BRWD3: variants seen among roughly 807,000 people sequenced by gnomAD.
BRWD3 encodes bromodomain and WD repeat domain containing 3.
Under a neutral mutation model 149.7 loss-of-function variants are expected in BRWD3, and 10 were observed. The observed-to-expected ratio is 0.07, with a 90% CI of 0.04 to 0.11. BRWD3 has a LOEUF of 0.11. Among genes scored for constraint, BRWD3 ranks in the 10% least tolerant of loss-of-function variants. The pLI is 1.00. For missense variants in BRWD3, 940 were observed against 1,373.2 expected, an observed-to-expected ratio of 0.68 and a Z score of 4.99; for synonymous variants, 504 against 456.7, an observed-to-expected ratio of 1.10 and a Z score of -1.32.
chrX:80,808,437 C>G (rs1313035336), intron 4 of BRWD3, 102 bp downstream of exon 4: 11 of 672,747 alleles, frequency 1.6e-5, no homozygotes, highest in South Asian at 2.3e-5. Flanking sequence ...GCACCGAGCT[C>G]TAGAACCTCG....
chrX:80,704,058 G>C (rs1033515248), intron 23 of BRWD3, among the ~76,000 whole-genome samples: 1 of 111,370 alleles, frequency 9.0e-6, no homozygotes, highest in Non-Finnish European at 1.9e-5. Flanking sequence ...AACTGTCATT[G>C]GGATGAAATA....
Position 80,735,187 on chromosome X carries a change from C to A in BRWD3, c.925G>T (p.Val309Leu), listed in dbSNP as rs776699937. 1 of 1,205,897 alleles carries A rather than the reference C, an allele frequency of 8.3e-7. No homozygotes were observed. The highest frequency in any genetic ancestry group is 1.8e-5 in the South Asian group (1 of 56,797). The change falls in exon 10 of 41, where the codon GTG becomes TTG. Residue 309 changes from valine to leucine, a missense_variant. This residue lies in a region of BRWD3 where 209 missense variants were observed against 396.8 expected (regional missense o/e 0.53). Transcript: ENST00000373275. ...VKTMKFRDRP[V>L]KFTERSRPGV... is the part of the protein sequence containing the mutation. ...GGTCTGGATCTCTCAGTAAATTTCACCGGGCGATCTCTAAAGATAAAAATA... is the reference window on the plus strand; with the variant it reads ...GGTCTGGATCTCTCAGTAAATTTCAACGGGCGATCTCTAAAGATAAAAATA...
rs778623743 is a variant in BRWD3 at position 80,676,623 on chromosome X, C to G, written c.5395G>C (p.Gly1799Arg). 8.3e-7 allele frequency: 1 copy of G among 1,210,130 alleles called. No individual in the cohort carries two copies. The highest frequency in any genetic ancestry group is 1.1e-6 in the Non-Finnish European group (1 of 894,625). ...TTTATTAACTGTTAATAATTCCATC[C>G]CATGAGATGGCTAACCCTGGCTTTT... Reference protein sequence around the residue: ...TEKARVSHLMGWNY With the variant: ...TEKARVSHLMRWNY The change falls in exon 41 of 41, where the codon GGA (glycine) becomes CGA (arginine). Residue 1799 changes from glycine to arginine, a missense_variant. By Grantham distance (125) the Gly-to-Arg change is moderately radical. Around this residue, in one of 6 missense-constraint regions of BRWD3, gnomAD observed 16 missense variants for 42.0 expected, o/e 0.38. Coordinates refer to ENST00000373275, the MANE Select transcript of BRWD3 (RefSeq NM_153252.5).
At position 80,681,322 on chromosome X, in the gene BRWD3, T is replaced by C; in HGVS notation, c.4654+19A>G. 1 of 1,199,593 alleles carries C rather than the reference T, an allele frequency of 8.3e-7. No individual in the cohort carries two copies. Reference sequence around the variant, plus strand: ...AAAGAAATAAATAATAAATGTCTTGTCCTGTATTTATTTCCTACCTTGTTT... The same window carrying C: ...AAAGAAATAAATAATAAATGTCTTGCCCTGTATTTATTTCCTACCTTGTTT... On this transcript the variant is annotated intron_variant, in intron 40 of 40. Transcript: ENST00000373275.
intron 6 of BRWD3, among the ~76,000 whole-genome samples, chrX:80,747,706 G>A (rs1031725691): frequency 2.7e-5 from 3 of 111,501 alleles, no homozygotes; most frequent in Non-Finnish European, 5.7e-5. Flanking sequence ...ATCGTAAATG[G>A]AATTGTTTCA....
At chrX:80,729,352 T>C (rs1329347056) in intron 13 of BRWD3, among the ~76,000 whole-genome samples, 1 of 111,419 alleles carries the variant, frequency 9.0e-6, no homozygotes, top group Non-Finnish European at 1.9e-5. Context: ...TGGGCGACTA[T>C]GATGAAAAAG....
chrX:80,709,778 A>G (rs1247319237), intron 20 of BRWD3: 3 of 465,509 alleles, frequency 6.4e-6, no homozygotes. Context: ...TATTTTGTAA[A>G]CCTTGTGATC....
chrX:80,746,205 T>TA (rs201506003), intron 6 of BRWD3, among the ~76,000 whole-genome samples: 5,231 of 108,744 alleles, frequency 0.048, 121 homozygotes, highest in Non-Finnish European at 0.069. Context: ...GTAATACAAG[T>TA]AAAAAAAAAC....
At position 80,675,669 on chromosome X, in the gene BRWD3, C is replaced by T. The variant is rs1047528970; in HGVS notation, c.*940G>A. On this transcript the variant is annotated 3_prime_UTR_variant, in exon 41 of 41. Coordinates refer to ENST00000373275, the MANE Select transcript of BRWD3 (RefSeq NM_153252.5). ...CAGCATCTATTTTCCTTAATGTTTC[C>T]AGTAGTTGTAGTTAAGAGGTAGCTG... is the stretch of plus-strand genomic sequence containing the variant. 9.0e-6 allele frequency: 1 copy of T among 111,333 alleles called. No individual in the cohort carries two copies. Among genetic ancestry groups the T allele is most frequent in the Non-Finnish European group, 1.9e-5 (1 of 52,948 alleles). The allele number at this position is 111,333 out of a possible 1,213,427, so 9.2% of individuals were successfully genotyped here. A position where few individuals can be genotyped will look rare whatever the true frequency, so the allele number is the denominator to read the frequency against.
In BRWD3 at chrX:80,697,710, G is replaced by T. The variant is rs2072720957; in HGVS notation, c.2944-847C>A. ...TGTCTATGTACATTTTCTTTATCCAGTCCACCACTGACGGGCATCTAGATT... is the reference window on the plus strand; with the variant it reads ...TGTCTATGTACATTTTCTTTATCCATTCCACCACTGACGGGCATCTAGATT... On this transcript the variant is annotated intron_variant, in intron 25 of 40. Coordinates refer to ENST00000373275, the MANE Select transcript of BRWD3 (RefSeq NM_153252.5). Among the ~76,000 whole-genome samples the T allele has an allele frequency of 2.7e-5, 3 of 111,778 alleles. No individual in the cohort carries two copies. The South Asian group carries it at 1.1e-3, about 42-fold the overall frequency.
intron 27 of BRWD3, among the ~76,000 whole-genome samples, chrX:80,693,573 G>C (rs1043551044): frequency 8.9e-6 from 1 of 111,831 alleles, no homozygotes. Context: ...GTCTCAGATA[G>C]AGATCAGGAA....
In BRWD3 at chrX:80,760,556, A is replaced by T. The variant is rs1042469359; in HGVS notation, c.431-14827T>A. 5.4e-5 allele frequency among the ~76,000 whole-genome samples: 6 copies of T among 112,040 alleles called. No individual in the cohort carries two copies. In the South Asian group the frequency reaches 1.5e-3, roughly 27 times the overall value. The stretch of plus-strand genomic sequence containing the variant: ...GCCATTTGAAGTGTATGATAGTCTA[A>T]TGTGCACTGGAATATTATTCACATA... On this transcript the variant is annotated intron_variant, in intron 6 of 40. Transcript: ENST00000373275.
chrX:80,782,617 G>C (rs745460017), intron 6 of BRWD3, among the ~76,000 whole-genome samples: 1 of 111,915 alleles, frequency 8.9e-6, no homozygotes, highest in South Asian at 3.7e-4. Flanking sequence ...CCAGAATATA[G>C]CCAGGCACAG....
rs1052637959 is a variant in BRWD3, at chrX:80,672,768, G to T, written c.*3841C>A. ...GTCGAAAGTTCCATCCCTTCCCCTA[G>T]AACTATTCATCACAGAACTCAAAAT... On this transcript the variant is annotated 3_prime_UTR_variant, in exon 41 of 41. Coordinates refer to ENST00000373275, the MANE Select transcript of BRWD3 (RefSeq NM_153252.5). 3.6e-5 allele frequency: 4 copies of T among 111,380 alleles called. No homozygotes were observed. The highest frequency in any genetic ancestry group is 7.5e-5 in the Non-Finnish European group (4 of 53,086). The allele number at this position is 111,380 out of a possible 1,213,427, so 9.2% of individuals were successfully genotyped here. A position where few individuals can be genotyped will look rare whatever the true frequency, so the allele number is the denominator to read the frequency against.
chrX:80,685,686 T>A, intron 35 of BRWD3, 150 bp from the exon 36 acceptor site: 1 of 483,788 alleles, frequency 2.1e-6, no homozygotes, highest in East Asian at 3.8e-5. Context: ...TGTACATTCG[T>A]CATTCTCCTT....
chrX:80,724,359 C>T (rs1484734917), intron 15 of BRWD3, among the ~76,000 whole-genome samples: 1 of 111,322 alleles, frequency 9.0e-6, no homozygotes, highest in Non-Finnish European at 1.9e-5. Context: ...AATTTAGAAA[C>T]GTTTAATGAG....
chrX:80,765,795 C>G (rs1209751038), intron 6 of BRWD3, among the ~76,000 whole-genome samples: 3 of 111,884 alleles, frequency 2.7e-5, no homozygotes, highest in Admixed American at 9.5e-5. Flanking sequence ...CAAGGACTTT[C>G]TTTTCTCTCC....
chrX:80,762,891 T>A (rs760825838), intron 6 of BRWD3, among the ~76,000 whole-genome samples: 1 of 110,835 alleles, frequency 9.0e-6, no homozygotes, highest in Non-Finnish European at 1.9e-5. Context: ...TTTCCTTTCC[T>A]CTCTGGGGTC....
chrX:80,682,687 A>T lies in BRWD3; in HGVS notation c.4234-59T>A, dbSNP rs746503290. 97 of 1,062,413 alleles carry T rather than the reference A, an allele frequency of 9.1e-5. No homozygotes were observed. In the African/African-American group the frequency reaches 1.7e-3, roughly 19 times the overall value. 87.6% of individuals were successfully genotyped at this position (1,062,413 alleles called of 1,213,427 possible). A position where few individuals can be genotyped will look rare whatever the true frequency, so the allele number is the denominator to read the frequency against. ...TTTTATATTTTAAAAAAAGGTATAA[A>T]CATGCCTAGACCAATATTAAGCATC... On this transcript the variant is annotated intron_variant, in intron 37 of 40. Transcript: ENST00000373275.
Sources: allele counts gnomAD v4.1 joint callset (sites outside exome capture counted in the v4.1 genomes callset), GRCh38; gene constraint gnomAD v4.1.1; regional missense constraint gnomAD v4.1.1; transcripts MANE v1.5; gene names NCBI Gene and HGNC (gene_info 2026-07-23, HGNC 2026-07-21).